MYO3A: variants seen among roughly 807,000 people sequenced by gnomAD.
The protein encoded by MYO3A is myosin-IIIa.
MYO3A carries 180 observed loss-of-function variants against 192.7 expected under a neutral mutation model. The ratio of observed to expected loss-of-function variants is 0.93; its 90% confidence interval spans 0.83 to 1.06. MYO3A has a LOEUF of 1.06. Ranked by LOEUF, MYO3A falls within the 50% of genes least tolerant of loss-of-function variation. MYO3A has a pLI of 0.00. For missense variants in MYO3A, 1,896 were observed against 1,905.0 expected, an observed-to-expected ratio of 1.00 and a Z score of 0.09; for synonymous variants, 628 against 645.3, an observed-to-expected ratio of 0.97 and a Z score of 0.41.
chr10:26,093,345 G>A (rs1031673207), intron 15 of MYO3A, among the ~76,000 whole-genome samples: 3 of 152,186 alleles, frequency 2.0e-5, no homozygotes, highest in African/African-American at 4.8e-5. Flanking sequence ...TGTGCCAGTC[G>A]TAGAGAAGTT....
chr10:26,049,316 C>G (rs1194062742), intron 10 of MYO3A, among the ~76,000 whole-genome samples: 1 of 151,990 alleles, frequency 6.6e-6, no homozygotes, highest in African/African-American at 2.4e-5. Flanking sequence ...GCAGTCCTAG[C>G]CAGGAGAGGT....
chr10:25,998,284 G>A (rs1410603036), intron 6 of MYO3A, among the ~76,000 whole-genome samples: 1 of 152,132 alleles, frequency 6.6e-6, no homozygotes, highest in Non-Finnish European at 1.5e-5. Flanking sequence ...AAGTTAATGG[G>A]TTAATTTTTA....
intron 33 of MYO3A, 191 bp from the exon 34 acceptor site, chr10:26,202,773 T>G (rs1462710159): frequency 6.9e-6 from 4 of 579,886 alleles, no homozygotes; most frequent in Non-Finnish European, 2.9e-6. Context: ...CAAGGTAAGA[T>G]ATGAAGGTTT....
At chr10:26,021,815 G>C in intron 8 of MYO3A, 167 bp downstream of exon 8, 1 of 890,790 alleles carries the variant, frequency 1.1e-6, no homozygotes, top group Non-Finnish European at 1.8e-6. Context: ...TATTTGTTCA[G>C]TAGTTGCATT....
intron 2 of MYO3A, among the ~76,000 whole-genome samples, chr10:25,948,679 A>C (rs1219595694): frequency 6.6e-6 from 1 of 152,114 alleles, no homozygotes; most frequent in Non-Finnish European, 1.5e-5. Context: ...ATTCTATTTC[A>C]TTCTTAAAGA....
intron 31 of MYO3A, among the ~76,000 whole-genome samples, chr10:26,183,439 T>C (rs900491255): frequency 6.6e-6 from 1 of 151,960 alleles, no homozygotes; most frequent in Admixed American, 6.6e-5. Context: ...AGGAGAATGG[T>C]GTGAACCCGG....
At chr10:26,070,085 C>T in intron 12 of MYO3A, 26 bp from the exon 13 acceptor site, 2 of 1,525,026 alleles carry the variant, frequency 1.3e-6, no homozygotes, top group Non-Finnish European at 1.8e-6. Flanking sequence ...AAAAGCCCTA[C>T]AAAATGTATT....
At chr10:26,138,004 C>A (rs2131815108) in intron 20 of MYO3A, among the ~76,000 whole-genome samples, 1 of 152,292 alleles carries the variant, frequency 6.6e-6, no homozygotes, top group East Asian at 1.9e-4. Context: ...GCCTTGTGAT[C>A]TTTGTTGGAC....
intron 32 of MYO3A, among the ~76,000 whole-genome samples, chr10:26,198,112 G>A (rs1309603078): frequency 6.6e-6 from 1 of 152,126 alleles, no homozygotes; most frequent in African/African-American, 2.4e-5. Context: ...AAACATCTCT[G>A]CTTTCAGTTG....
At chr10:26,068,468 A>C (rs1834992359) in intron 11 of MYO3A, among the ~76,000 whole-genome samples, 1 of 152,044 alleles carries the variant, frequency 6.6e-6, no homozygotes, top group Non-Finnish European at 1.5e-5. Flanking sequence ...TACATCACTT[A>C]GTGCTATTAC....
chr10:26,052,489 G>A (rs1047056846), intron 10 of MYO3A, among the ~76,000 whole-genome samples: 2 of 152,096 alleles, frequency 1.3e-5, no homozygotes, highest in Non-Finnish European at 2.9e-5. Context: ...TACATACCAG[G>A]TCAAAGGGGT....
intron 20 of MYO3A, among the ~76,000 whole-genome samples, chr10:26,132,304 C>A (rs954701634): frequency 1.3e-5 from 2 of 152,186 alleles, no homozygotes; most frequent in Non-Finnish European, 2.9e-5. Context: ...CATACCTTGT[C>A]AAAAGTGTTC....
At position 26,021,656 on chromosome 10, in the gene MYO3A, G is replaced by T; in HGVS notation, c.731+8G>T. ...ACTCTTCAAAATACCAAGGTCAGATGACTAACATTGGGTCCAGTATCTGCA... is the reference window on the plus strand; with the variant it reads ...ACTCTTCAAAATACCAAGGTCAGATTACTAACATTGGGTCCAGTATCTGCA... On this transcript the variant is annotated splice_region_variant and intron_variant, in intron 8 of 34. Transcript: ENST00000642920. The T allele has an allele frequency of 1.2e-6, 2 of 1,613,962 alleles. No individual in the cohort carries two copies. The highest frequency in any genetic ancestry group is 2.2e-5 in the South Asian group (2 of 91,068).
chr10:26,177,776 G>T (rs1209007299), intron 31 of MYO3A, among the ~76,000 whole-genome samples: 2 of 152,222 alleles, frequency 1.3e-5, no homozygotes, highest in African/African-American at 4.8e-5. Flanking sequence ...TGTTACCAAA[G>T]ACAGGAGGAG....
At chr10:25,947,055 A>G (rs1008510640) in intron 2 of MYO3A, among the ~76,000 whole-genome samples, 4 of 151,526 alleles carry the variant, frequency 2.6e-5, no homozygotes, top group Non-Finnish European at 5.9e-5. Flanking sequence ...TAATGTATAT[A>G]TTGGTCTTGT....
At chr10:26,052,429 A>G (rs1844058553) in intron 10 of MYO3A, among the ~76,000 whole-genome samples, 1 of 152,180 alleles carries the variant, frequency 6.6e-6, no homozygotes, top group Non-Finnish European at 1.5e-5. Context: ...ATCCAGTGCT[A>G]TGGCTCACCA....
rs185387296 is a variant in MYO3A at position 26,167,155 on chromosome 10, C to T, written c.3111+977C>T. Among the ~76,000 whole-genome samples, 5 of 152,318 alleles carry T rather than the reference C, an allele frequency of 3.3e-5. No homozygotes were observed. The East Asian group carries it at 9.6e-4, about 29-fold the overall frequency. On this transcript the variant is annotated intron_variant, in intron 27 of 34. Transcript: ENST00000642920. ...TTGACCACTCAAGAATACCTACTATCAGCCACACCACAGAAGTAAACCAAA... is the reference window on the plus strand; with the variant it reads ...TTGACCACTCAAGAATACCTACTATTAGCCACACCACAGAAGTAAACCAAA...
intron 22 of MYO3A, 119 bp from the exon 23 acceptor site, chr10:26,147,311 C>G: frequency 9.4e-7 from 1 of 1,060,976 alleles, no homozygotes; most frequent in Non-Finnish European, 1.4e-6. Context: ...GCTTGTATCA[C>G]TGTTGCTGAA....
chr10:25,956,577 C>T (rs1393580977), intron 4 of MYO3A, among the ~76,000 whole-genome samples: 1 of 150,114 alleles, frequency 6.7e-6, no homozygotes, highest in African/African-American at 2.5e-5. Context: ...CTCCTGATCT[C>T]AAGTGATCCA....
Sources: allele counts gnomAD v4.1 joint callset (sites outside exome capture counted in the v4.1 genomes callset), GRCh38; gene constraint gnomAD v4.1.1; transcripts MANE v1.5; gene names NCBI Gene and HGNC (gene_info 2026-07-23, HGNC 2026-07-21).